Variants in HIVEP1 observed in about 807,000 individuals in gnomAD.
HIVEP1 encodes the protein HIVEP zinc finger 1, also known as zinc finger protein 40.
In HIVEP1, 36 loss-of-function variants were observed where a neutral mutation model predicts 180.0. The ratio of observed to expected loss-of-function variants is 0.20; its 90% CI spans 0.15 to 0.26. The LOEUF (loss-of-function observed/expected upper bound fraction) is 0.26, where lower values mean the gene tolerates loss of function less well. HIVEP1 is among the 10% of genes least tolerant of loss of function. The pLI is 1.00. For synonymous variants in HIVEP1, 1,239 were observed against 1,239.0 expected (o/e 1.00, Z 0.00); for missense variants, 3,143 against 3,268.7 (o/e 0.96, Z 0.94).
upstream of HIVEP1, among the ~76,000 whole-genome samples, chr6:12,011,496 C>T (rs1485773004): frequency 6.6e-6 from 1 of 151,598 alleles, no homozygotes; most frequent in Non-Finnish European, 1.5e-5. Context: ...GGGCCCGCCC[C>T]TCCGCCCCCG....
At chr6:12,047,987 G>C (rs1169036612) in intron 2 of HIVEP1, among the ~76,000 whole-genome samples, 1 of 152,226 alleles carries the variant, frequency 6.6e-6, no homozygotes, top group Non-Finnish European at 1.5e-5. Context: ...GTGCCTAGAG[G>C]CCCTCTGAAT....
intron 7 of HIVEP1, among the ~76,000 whole-genome samples, chr6:12,144,662 C>CA (rs1258545761): frequency 6.6e-6 from 1 of 152,016 alleles, no homozygotes; most frequent in Non-Finnish European, 1.5e-5. Flanking sequence ...ACAAATAACT[C>CA]AAACAAGTTT....
At chr6:12,064,904 C>T (rs965317045) in intron 2 of HIVEP1, among the ~76,000 whole-genome samples, 4 of 152,190 alleles carry the variant, frequency 2.6e-5, no homozygotes, top group African/African-American at 9.7e-5. Context: ...TATGTTCTTT[C>T]CCTCCAACAG....
chr6:12,143,087 G>A (rs1310146117), intron 7 of HIVEP1, among the ~76,000 whole-genome samples: 1 of 152,150 alleles, frequency 6.6e-6, no homozygotes, highest in Non-Finnish European at 1.5e-5. Flanking sequence ...ACAAAAAAAA[G>A]AGAATTTTAG....
intron 7 of HIVEP1, among the ~76,000 whole-genome samples, chr6:12,150,823 A>C (rs1759659488): frequency 6.6e-6 from 1 of 152,140 alleles, no homozygotes; most frequent in South Asian, 2.1e-4. Context: ...TCTTTAAAAA[A>C]ATTTTTTCCC....
chr6:12,153,429 A>C (rs982577512), intron 7 of HIVEP1, among the ~76,000 whole-genome samples: 1 of 151,956 alleles, frequency 6.6e-6, no homozygotes, highest in African/African-American at 2.4e-5. Flanking sequence ...GAAAAAGTCA[A>C]CTCCTTAATT....
At chr6:12,037,211 C>G (rs1192005243) in intron 2 of HIVEP1, among the ~76,000 whole-genome samples, 1 of 152,146 alleles carries the variant, frequency 6.6e-6, no homozygotes, top group Non-Finnish European at 1.5e-5. Flanking sequence ...AGGAGTGCCT[C>G]ATTTTCACTT....
At chr6:12,130,450 A>G (rs9470969) in intron 5 of HIVEP1, among the ~76,000 whole-genome samples, 1 of 152,076 alleles carries the variant, frequency 6.6e-6, no homozygotes, top group African/African-American at 2.4e-5. Flanking sequence ...AGGCGGGAGG[A>G]TCATGTGAGC....
chr6:12,196,231 G>C, the HIVEP1 span, among the ~76,000 whole-genome samples: 1 of 152,194 alleles, frequency 6.6e-6, no homozygotes, highest in Non-Finnish European at 1.5e-5. Context: ...CCTACACTTA[G>C]ACGGTTGTAT....
intron 3 of HIVEP1, among the ~76,000 whole-genome samples, chr6:12,095,006 A>C (rs1035471926): frequency 2.0e-4 from 30 of 152,136 alleles, no homozygotes; most frequent in Middle Eastern, 3.4e-3. Flanking sequence ...TATTTTTCTT[A>C]TAATTTATCC....
intron 2 of HIVEP1, among the ~76,000 whole-genome samples, chr6:12,059,748 A>G (rs923951640): frequency 2.0e-5 from 3 of 152,032 alleles, no homozygotes; most frequent in African/African-American, 4.8e-5. Context: ...CTCAGCTGGG[A>G]TGGGTTGGGG....
rs35720756 is a variant in HIVEP1, at chr6:12,014,374, A to AT, written c.-103-1143dup. Among the ~76,000 whole-genome samples, 115 of 151,852 alleles carry AT rather than the reference A, an allele frequency of 7.6e-4. 1 individual carries two copies. Among genetic ancestry groups the AT allele is most frequent in the South Asian group, 3.3e-3 (16 of 4,812 alleles). The stretch of plus-strand genomic sequence containing the variant: ...TTATCTTGGACAAGTTACTTATCCA[A>AT]TTTTTTTTTAATCTGTAAAATGAAT... On this transcript the variant is annotated intron_variant, in intron 1 of 8. Transcript: ENST00000379388.
In HIVEP1 at chr6:12,161,706, C is replaced by T. The variant is rs543641301; in HGVS notation, c.6755C>T (p.Ala2252Val). The change falls in exon 8 of 9, where the codon GCG becomes GTG. Residue 2252 changes from alanine to valine, a missense_variant. Physicochemically the swap from Ala to Val is moderately conservative, Grantham distance 64. Around this residue, in one of 12 missense-constraint regions of HIVEP1, gnomAD observed 595 missense variants for 602.2 expected, o/e 0.99. Coordinates refer to ENST00000379388, the MANE Select transcript of HIVEP1 (RefSeq NM_002114.4). ...HTDPMDVLPR[A>V]LLTRMTVLST... ...GACCCAATGGACGTTCTGCCCAGGG[C>T]GCTGCTCACCAGAATGACTGTCCTG... 52 of 1,614,008 alleles carry T rather than the reference C, an allele frequency of 3.2e-5. No individual in the cohort carries two copies. The highest frequency in any genetic ancestry group is 1.2e-4 in the South Asian group (11 of 91,086).
chr6:12,132,677 A>T (rs577372012), intron 6 of HIVEP1, among the ~76,000 whole-genome samples: 19 of 152,202 alleles, frequency 1.2e-4, no homozygotes, highest in Non-Finnish European at 2.6e-4. Flanking sequence ...CATGTCTTAC[A>T]CATCTCTAAT....
intron 2 of HIVEP1, among the ~76,000 whole-genome samples, chr6:12,056,239 G>A (rs2113735787): frequency 6.6e-6 from 1 of 152,274 alleles, no homozygotes; most frequent in South Asian, 2.1e-4. Context: ...GTGTTACTGG[G>A]CAATGTGAGG....
At position 12,122,624 on chromosome 6, in the gene HIVEP1, C is replaced by A. The variant is rs1261084143; in HGVS notation, c.2829C>A (p.Gly943=). The change falls in exon 4 of 9, where the codon GGC becomes GGA. Residue 943 remains glycine, a synonymous_variant. Transcript: ENST00000379388. ...TGAGGAGCAAGGCACTGGCACAAGG[C>A]CCACATATAGAAAAAAAGAAGTCTC... The part of the protein sequence containing the change: ...MSVRSKALAQ[G]PHIEKKKSHQ... 2 of 1,613,834 alleles carry A rather than the reference C, an allele frequency of 1.2e-6. No individual in the cohort carries two copies. Among genetic ancestry groups the A allele is most frequent in the Non-Finnish European group, 8.5e-7 (1 of 1,179,962 alleles).
chr6:12,199,360 CT>C, the HIVEP1 span, among the ~76,000 whole-genome samples: 32,935 of 109,016 alleles, frequency 0.3, 4,219 homozygotes, highest in East Asian at 0.41. Flanking sequence ...ACTGTCAATC[CT>C]TTTTTTTTTT....
intron 2 of HIVEP1, among the ~76,000 whole-genome samples, chr6:12,048,402 G>A (rs906088212): frequency 6.6e-6 from 1 of 152,176 alleles, no homozygotes; most frequent in Non-Finnish European, 1.5e-5. Context: ...ATTTAGAATT[G>A]AGAAGAGATG....
chr6:12,131,459 A>T (rs1398771613), intron 6 of HIVEP1, among the ~76,000 whole-genome samples: 1 of 151,558 alleles, frequency 6.6e-6, no homozygotes, highest in Admixed American at 6.6e-5. Context: ...GTTAAATTTT[A>T]GCTTCAAAAA....
Sources: gnomAD v4.1 joint callset for allele counts (sites outside exome capture counted in the v4.1 genomes callset) on GRCh38, gnomAD v4.1.1 for gene constraint, gnomAD v4.1.1 regional missense constraint, MANE v1.5 for transcripts, NCBI Gene and HGNC (gene_info 2026-07-23, HGNC 2026-07-21) for gene names.